The following TGFBR3 variants were observed in gnomAD, a reference collection of about 807,000 sequenced individuals.
TGFBR3 encodes the protein transforming growth factor beta receptor 3.
TGFBR3 carries 46 observed loss-of-function variants against 87.9 expected under a neutral mutation model. That is an observed-to-expected ratio of 0.52 (90% CI 0.41 to 0.67). The LOEUF is 0.67. Ranked by LOEUF, TGFBR3 falls within the 30% of genes least tolerant of loss-of-function variation. The pLI is 0.00. For missense variants in TGFBR3, 866 were observed against 1,041.9 expected (o/e 0.83, Z 2.32); for synonymous variants, 381 against 391.6 (o/e 0.97, Z 0.32).
intron 1 of TGFBR3, 115 bp from the exon 2 acceptor site, chr1:91,861,759 A>T: frequency 3.6e-6 from 2 of 560,152 alleles, no homozygotes; most frequent in Non-Finnish European, 6.4e-6. Flanking sequence ...ATCTTAAAAG[A>T]TGCAAAATAG....
intron 1 of TGFBR3, among the ~76,000 whole-genome samples, chr1:91,866,080 G>A (rs568082720): frequency 1.3e-5 from 2 of 152,202 alleles, no homozygotes; most frequent in South Asian, 4.1e-4. Context: ...AGAGTGCACA[G>A]GTAAAGACCA....
At position 91,783,542 on chromosome 1, in the gene TGFBR3, CAT is replaced by C. The variant is rs528348172; in HGVS notation, c.246+13743_246+13744del. Among the ~76,000 whole-genome samples, 221 of 152,298 alleles carry C rather than the reference CAT, an allele frequency of 1.5e-3. 1 individual carries two copies. Among genetic ancestry groups the C allele is most frequent in the African/African-American group, 5.2e-3 (217 of 41,566 alleles). ...GCCTGTGTCTTTAAGACCAGACCCT[CAT>C]AAATGGATTGCTTCTGCTGGACACC... is the stretch of plus-strand genomic sequence containing the variant. On this transcript the variant is annotated intron_variant, in intron 3 of 16. Transcript: ENST00000212355.
rs1675426419 is a variant in TGFBR3, at chr1:91,797,299, C to G, written c.234G>C (p.Gln78His). Residue 78 changes from glutamine to histidine, a missense_variant, in exon 3 of 17, where the codon CAG (glutamine) becomes CAC (histidine). Physicochemically the swap from Gln to His is conservative, Grantham distance 24 (BLOSUM62 0). Coordinates refer to ENST00000212355, the MANE Select transcript of TGFBR3 (RefSeq NM_003243.5). ...CACCTGCACCTACCTCTCTCTGTAG[C>G]TGGCCAGGCCCCTGGCCTGCAGTGC... ...NLRTAGQGPG[Q>H]LQREVTLHLN... The G allele has an allele frequency of 2.5e-6, 4 of 1,614,082 alleles. No homozygotes were observed. In the East Asian group the frequency reaches 6.7e-5, roughly 27 times the overall value.
At chr1:91,895,949 A>G (rs1463809290) in intron 2 of TGFBR3, among the ~76,000 whole-genome samples, 1 of 152,084 alleles carries the variant, frequency 6.6e-6, no homozygotes. Context: ...TTTACCCTCA[A>G]ATGATCACTT....
intron 2 of TGFBR3, among the ~76,000 whole-genome samples, chr1:91,826,228 G>A (rs2101073125): frequency 6.6e-6 from 1 of 152,158 alleles, no homozygotes; most frequent in East Asian, 1.9e-4. Context: ...ACATTAGAGG[G>A]TCCCCTAGAA....
At chr1:91,750,387 A>C (rs1029022067) in intron 4 of TGFBR3, among the ~76,000 whole-genome samples, 1 of 152,208 alleles carries the variant, frequency 6.6e-6, no homozygotes, top group Non-Finnish European at 1.5e-5. Context: ...ACATTTAGGA[A>C]GAGCTCAATG....
chr1:91,855,982 G>A (rs995350326), intron 2 of TGFBR3, among the ~76,000 whole-genome samples: 3 of 151,330 alleles, frequency 2.0e-5, no homozygotes, highest in East Asian at 3.9e-4. Context: ...TACACAGCTC[G>A]TGTTCACCAA....
At chr1:91,856,355 C>G (rs1339731097) in intron 2 of TGFBR3, among the ~76,000 whole-genome samples, 2 of 152,124 alleles carry the variant, frequency 1.3e-5, no homozygotes, top group Non-Finnish European at 2.9e-5. Context: ...CGTGAGCCAC[C>G]ACGCCCAGCC....
intron 2 of TGFBR3, among the ~76,000 whole-genome samples, chr1:91,823,753 T>C (rs1207748443): frequency 2.6e-5 from 4 of 152,178 alleles, no homozygotes; most frequent in Admixed American, 1.3e-4. Flanking sequence ...AGATGGATAA[T>C]AGAAAAATTC....
rs1262341278 is a variant in TGFBR3 at position 91,885,991 on chromosome 1, G to A, written c.-227C>T. 2 of 452,668 alleles carry A rather than the reference G, an allele frequency of 4.4e-6. No individual in the cohort carries two copies. Among genetic ancestry groups the A allele is most frequent in the Admixed American group, 4.7e-5 (2 of 42,488 alleles). 28.0% of individuals were successfully genotyped at this position (452,668 alleles called of 1,614,324 possible). On this transcript the variant is annotated 5_prime_UTR_variant, in exon 1 of 17. Transcript: ENST00000212355. ...CGAGCTCCGGCAGCTGCTGCGCCGC[G>A]GCAAAACTACGCCATCCGGACCCGC...
chr1:91,787,674 C>T (rs575279475), intron 3 of TGFBR3, among the ~76,000 whole-genome samples: 28 of 152,318 alleles, frequency 1.8e-4, no homozygotes, highest in South Asian at 6.2e-4. Flanking sequence ...AGGGCTATGC[C>T]TCAGTCAAGA....
Position 91,750,551 on chromosome 1 carries a change from G to A in TGFBR3, c.384+8062C>T, listed in dbSNP as rs191513604. Among the ~76,000 whole-genome samples, 441 of 152,142 alleles carry A rather than the reference G, an allele frequency of 2.9e-3. 3 individuals carry two copies. Among genetic ancestry groups the A allele is most frequent in the Non-Finnish European group, 3.6e-3 (243 of 67,996 alleles). On this transcript the variant is annotated intron_variant, in intron 4 of 16. Transcript: ENST00000212355. The stretch of plus-strand genomic sequence containing the variant: ...CAAAACCAACAGATGAGCAGACTCC[G>A]GAATAAAAATGCATGGTACACAACC...
At chr1:91,776,135 A>G (rs1183390373) in intron 3 of TGFBR3, among the ~76,000 whole-genome samples, 1 of 152,222 alleles carries the variant, frequency 6.6e-6, no homozygotes, top group Non-Finnish European at 1.5e-5. Context: ...CCTGCATATG[A>G]TTAAGTCAAC....
intron 16 of TGFBR3, among the ~76,000 whole-genome samples, chr1:91,692,879 G>A (rs185940369): frequency 3.9e-5 from 6 of 152,302 alleles, no homozygotes; most frequent in Admixed American, 2.6e-4. Context: ...AATGGAAAGC[G>A]TAAACAAAGG....
At chr1:91,715,771 A>G (rs1571434512) in intron 12 of TGFBR3, among the ~76,000 whole-genome samples, 2 of 152,240 alleles carry the variant, frequency 1.3e-5, no homozygotes, top group African/African-American at 4.8e-5. Flanking sequence ...AGTGCAATTT[A>G]AAAGATAACA....
intron 9 of TGFBR3, among the ~76,000 whole-genome samples, 200 bp downstream of exon 9, chr1:91,719,692 AC>A (rs1228058049): frequency 6.6e-6 from 1 of 150,608 alleles, no homozygotes; most frequent in Non-Finnish European, 1.5e-5. Context: ...AGGATCTGGA[AC>A]CCCCACCCCC....
chr1:91,717,303 T>G (rs919930612), intron 10 of TGFBR3, among the ~76,000 whole-genome samples: 1 of 152,228 alleles, frequency 6.6e-6, no homozygotes, highest in African/African-American at 2.4e-5. Context: ...ATCTCTTCAT[T>G]GCCGCTCTTG....
chr1:91,849,653 T>C (rs1451923991), intron 2 of TGFBR3, among the ~76,000 whole-genome samples: 5 of 152,220 alleles, frequency 3.3e-5, no homozygotes, highest in African/African-American at 1.2e-4. Flanking sequence ...ACATGCTTCA[T>C]AAGGACAAGG....
At chr1:91,724,336 A>G (rs530951674) in intron 7 of TGFBR3, among the ~76,000 whole-genome samples, 4 of 152,362 alleles carry the variant, frequency 2.6e-5, no homozygotes, top group Admixed American at 2.6e-4. Flanking sequence ...TTTCTTAGGT[A>G]CAGCTTCTTC....
Sources: allele counts gnomAD v4.1 joint callset (sites outside exome capture counted in the v4.1 genomes callset), GRCh38; gene constraint gnomAD v4.1.1; transcripts MANE v1.5; gene names NCBI Gene and HGNC (gene_info 2026-07-23, HGNC 2026-07-21).